MARCHF1: variants seen among roughly 807,000 people sequenced by gnomAD.
MARCHF1 encodes the protein E3 ubiquitin-protein ligase MARCHF1.
A neutral mutation model predicts 54.2 loss-of-function variants in MARCHF1; 40 were observed. That is an observed-to-expected ratio of 0.74 (90% CI 0.57 to 0.96). The LOEUF is 0.96. MARCHF1 is among the 40% of genes least tolerant of loss of function. The pLI is 0.00. For missense variants in MARCHF1, 586 were observed against 656.5 expected (o/e 0.89, Z 1.17); for synonymous variants, 236 against 236.3 (o/e 1.00, Z 0.01).
At chr4:164,360,474 C>A (rs1561018529) in intron 1 of MARCHF1, among the ~76,000 whole-genome samples, 1 of 152,112 alleles carries the variant, frequency 6.6e-6, no homozygotes, top group Admixed American at 6.6e-5. Context: ...AAAACAATTC[C>A]TACTGCATGG....
intron 8 of MARCHF1, among the ~76,000 whole-genome samples, chr4:163,560,342 G>T (rs1408616843): frequency 1.3e-5 from 2 of 152,136 alleles, no homozygotes; most frequent in African/African-American, 4.8e-5. Flanking sequence ...CTGTATATGT[G>T]TGGCTCTATT....
chr4:163,854,304 G>T, intron 3 of MARCHF1, 135 bp from the exon 4 acceptor site: 1 of 609,016 alleles, frequency 1.6e-6, no homozygotes, highest in Non-Finnish European at 2.7e-6. Flanking sequence ...GGGGTTACAA[G>T]GAGGAAAAGA....
intron 2 of MARCHF1, among the ~76,000 whole-genome samples, chr4:163,996,206 T>C (rs1753073597): frequency 6.6e-6 from 1 of 151,984 alleles, no homozygotes; most frequent in African/African-American, 2.4e-5. Flanking sequence ...AGTAATGTTA[T>C]TATTTTTTGG....
rs140741742 is a variant in MARCHF1 at position 163,682,383 on chromosome 4, A to G, written c.162+18430T>C. Among the ~76,000 whole-genome samples, 100 of 152,336 alleles carry G rather than the reference A, an allele frequency of 6.6e-4. 2 individuals carry two copies. The East Asian group carries it at 0.019, about 29-fold the overall frequency. On this transcript the variant is annotated intron_variant, in intron 5 of 9. Coordinates refer to ENST00000514618, the MANE Select transcript of MARCHF1 (RefSeq NM_001394959.1). Reference sequence around the variant, plus strand: ...AGTAATGAGGGGCCGAATGTTAATCACCAAGAGACAATGGGGAAAATGTCT... The same window carrying G: ...AGTAATGAGGGGCCGAATGTTAATCGCCAAGAGACAATGGGGAAAATGTCT...
At chr4:163,775,288 G>T (rs1288451215) in intron 4 of MARCHF1, among the ~76,000 whole-genome samples, 2 of 152,000 alleles carry the variant, frequency 1.3e-5, no homozygotes, top group Non-Finnish European at 2.9e-5. Flanking sequence ...ATCAGACAGG[G>T]TTCTAATCAT....
intron 4 of MARCHF1, among the ~76,000 whole-genome samples, chr4:163,779,483 C>G (rs1426527741): frequency 6.6e-6 from 1 of 152,062 alleles, no homozygotes; most frequent in Non-Finnish European, 1.5e-5. Context: ...AAAAAGTTAG[C>G]ATTTCAGAAC....
chr4:163,682,462 C>A (rs1744135157), intron 5 of MARCHF1, among the ~76,000 whole-genome samples: 1 of 152,172 alleles, frequency 6.6e-6, no homozygotes, highest in South Asian at 2.1e-4. Context: ...GGCCTAGAGG[C>A]CTGGGGGGAG....
chr4:163,778,891 G>A (rs1302733419), intron 4 of MARCHF1, among the ~76,000 whole-genome samples: 1 of 152,082 alleles, frequency 6.6e-6, no homozygotes, highest in East Asian at 1.9e-4. Context: ...GAGAGATTAT[G>A]TAACGGGTAC....
chr4:164,267,767 A>C (rs878921434), intron 1 of MARCHF1, among the ~76,000 whole-genome samples: 2 of 152,180 alleles, frequency 1.3e-5, no homozygotes, highest in Admixed American at 1.3e-4. Flanking sequence ...AGAAATTAAA[A>C]AAATAAATAA....
chr4:164,066,420 G>T (rs1405501349), intron 2 of MARCHF1, among the ~76,000 whole-genome samples: 1 of 152,196 alleles, frequency 6.6e-6, no homozygotes, highest in African/African-American at 2.4e-5. Context: ...CTGTTGGTGG[G>T]AGTGTAAATT....
At chr4:163,615,803 A>T (rs1475549405) in intron 5 of MARCHF1, among the ~76,000 whole-genome samples, 3 of 152,202 alleles carry the variant, frequency 2.0e-5, no homozygotes, top group African/African-American at 7.2e-5. Flanking sequence ...AGCTAGAAGC[A>T]TCACACTACT....
chr4:164,062,833 C>A (rs1308086669), intron 2 of MARCHF1, among the ~76,000 whole-genome samples: 1 of 152,140 alleles, frequency 6.6e-6, no homozygotes, highest in Non-Finnish European at 1.5e-5. Flanking sequence ...CAATTTATTT[C>A]TTAAATAATA....
At chr4:164,244,798 T>C (rs540920975) in intron 1 of MARCHF1, among the ~76,000 whole-genome samples, 3 of 151,988 alleles carry the variant, frequency 2.0e-5, no homozygotes, top group African/African-American at 2.4e-5. Flanking sequence ...CCCACAGAAA[T>C]ACAAAGTACC....
chr4:163,869,395 A>G (rs1014733705), intron 3 of MARCHF1, among the ~76,000 whole-genome samples: 1 of 152,030 alleles, frequency 6.6e-6, no homozygotes, highest in South Asian at 2.1e-4. Context: ...AGATTTGCTC[A>G]TATGATGAGC....
chr4:163,700,515 T>A (rs112992103), intron 5 of MARCHF1, among the ~76,000 whole-genome samples: 2,614 of 88,492 alleles, frequency 0.03, 58 homozygotes, highest in African/African-American at 0.067. Context: ...AAAAGATAGA[T>A]AGAAAGAAAG....
chr4:163,749,919 A>G (rs1746470880), intron 4 of MARCHF1, among the ~76,000 whole-genome samples: 1 of 152,080 alleles, frequency 6.6e-6, no homozygotes, highest in Admixed American at 6.5e-5. Flanking sequence ...ATACAAAAAA[A>G]TTAGCCGGGC....
At chr4:163,801,655 C>G (rs1748084109) in intron 4 of MARCHF1, among the ~76,000 whole-genome samples, 1 of 152,102 alleles carries the variant, frequency 6.6e-6, no homozygotes, top group South Asian at 2.1e-4. Context: ...CTTCCCCACC[C>G]TAATATGATT....
At chr4:164,122,436 A>G (rs1035607019) in intron 1 of MARCHF1, among the ~76,000 whole-genome samples, 11 of 152,062 alleles carry the variant, frequency 7.2e-5, no homozygotes, top group African/African-American at 2.7e-4. Context: ...AGCCGCATGT[A>G]CAGTAAGGAG....
At chr4:163,533,659 C>CA (rs1245036562) in intron 9 of MARCHF1, among the ~76,000 whole-genome samples, 1 of 142,046 alleles carries the variant, frequency 7.0e-6, no homozygotes, top group Non-Finnish European at 1.5e-5. Flanking sequence ...AAATCTGCTC[C>CA]AAAAATAGTC....
Sources: gnomAD v4.1 joint callset for allele counts (sites outside exome capture counted in the v4.1 genomes callset) on GRCh38, gnomAD v4.1.1 for gene constraint, MANE v1.5 for transcripts, NCBI Gene and HGNC (gene_info 2026-07-23, HGNC 2026-07-21) for gene names.